The following RBFOX1 variants were observed in gnomAD, a reference collection of about 807,000 sequenced individuals.
RBFOX1 encodes the protein RNA binding fox-1 homolog 1, also known as RNA binding protein fox-1 homolog 1.
A neutral mutation model predicts 57.7 loss-of-function variants in RBFOX1; 8 were observed. The ratio of observed to expected loss-of-function variants is 0.14; its 90% CI spans 0.08 to 0.25. The LOEUF is 0.25. RBFOX1 is among the 10% of genes least tolerant of loss of function. RBFOX1 has a pLI of 1.00. For synonymous variants in RBFOX1, 326 were observed against 222.4 expected (o/e 1.47, Z -4.15); for missense variants, 611 against 548.5 (o/e 1.11, Z -1.14).
intron 2 of RBFOX1, among the ~76,000 whole-genome samples, chr16:6,646,851 G>A (rs1441677828): frequency 3.9e-5 from 6 of 152,034 alleles, no homozygotes; most frequent in Non-Finnish European, 7.4e-5. Context: ...CTCAGTGTCC[G>A]AAGTCAAGCA....
chr16:7,578,774 T>G (rs1199675244), intron 5 of RBFOX1, among the ~76,000 whole-genome samples: 1 of 23,724 alleles, frequency 4.2e-5, no homozygotes. Context: ...TAGTTGCTAA[T>G]TGCAGAGAAG....
chr16:6,919,901 G>A lies in RBFOX1; in HGVS notation c.-15-132156G>A, dbSNP rs140041177. On this transcript the variant is annotated intron_variant, in intron 3 of 15. Transcript: ENST00000550418. Reference sequence around the variant, plus strand: ...ACCCATCACCTGAGCAGTGTACACTGTACCCAGTGTGTCATCTTTTATCCT... The same window carrying A: ...ACCCATCACCTGAGCAGTGTACACTATACCCAGTGTGTCATCTTTTATCCT... Among the ~76,000 whole-genome samples, 22 of 151,016 alleles carry A rather than the reference G, an allele frequency of 1.5e-4. No homozygotes were observed. In the East Asian group the frequency reaches 4.1e-3, roughly 28 times the overall value.
intron 1 of RBFOX1, among the ~76,000 whole-genome samples, chr16:5,400,258 A>T (rs566646398): frequency 2.0e-5 from 3 of 150,680 alleles, no homozygotes; most frequent in Non-Finnish European, 4.4e-5. Context: ...CACCCGGCTG[A>T]TTTTTGTATT....
chr16:6,743,603 C>T (rs908749601), intron 3 of RBFOX1, among the ~76,000 whole-genome samples: 3 of 151,422 alleles, frequency 2.0e-5, no homozygotes, highest in Non-Finnish European at 4.4e-5. Flanking sequence ...TTGAAGTGAG[C>T]ATGGTGGTGC....
chr16:5,445,738 T>C (rs1321631685), intron 1 of RBFOX1, among the ~76,000 whole-genome samples: 1 of 152,256 alleles, frequency 6.6e-6, no homozygotes, highest in East Asian at 1.9e-4. Flanking sequence ...TTTATTCATT[T>C]AACTCAGCTA....
intron 5 of RBFOX1, among the ~76,000 whole-genome samples, chr16:7,553,721 G>C (rs1407710379): frequency 6.6e-6 from 1 of 152,166 alleles, no homozygotes; most frequent in Non-Finnish European, 1.5e-5. Flanking sequence ...GTTTACTGTA[G>C]GTTAGAGTTA....
At chr16:5,370,217 A>G (rs1331634196) in intron 1 of RBFOX1, among the ~76,000 whole-genome samples, 1 of 152,174 alleles carries the variant, frequency 6.6e-6, no homozygotes, top group African/African-American at 2.4e-5. Flanking sequence ...ATTTCTGCAG[A>G]ACCCAATGGT....
At chr16:6,889,319 C>G (rs967783433) in intron 3 of RBFOX1, among the ~76,000 whole-genome samples, 1 of 152,154 alleles carries the variant, frequency 6.6e-6, no homozygotes, top group African/African-American at 2.4e-5. Flanking sequence ...ATGTCACTTT[C>G]AAGTGGAAAA....
intron 4 of RBFOX1, among the ~76,000 whole-genome samples, chr16:7,068,495 A>G (rs1313569990): frequency 6.6e-6 from 1 of 152,156 alleles, no homozygotes; most frequent in Non-Finnish European, 1.5e-5. Context: ...ACTGGCATTC[A>G]TTGCTTCACC....
chr16:6,976,605 G>A (rs1053979670), intron 3 of RBFOX1, among the ~76,000 whole-genome samples: 40 of 151,376 alleles, frequency 2.6e-4, no homozygotes, highest in African/African-American at 5.1e-4. Context: ...AGAGTAGGGC[G>A]TTCCCGAAAG....
intron 1 of RBFOX1, among the ~76,000 whole-genome samples, chr16:6,176,227 C>T (rs1038152084): frequency 2.6e-5 from 4 of 151,934 alleles, no homozygotes; most frequent in Non-Finnish European, 5.9e-5. Flanking sequence ...TCACTTGCAA[C>T]CTCGGCCTCC....
chr16:7,628,776 C>T (rs1232818397), intron 10 of RBFOX1, among the ~76,000 whole-genome samples: 1 of 152,050 alleles, frequency 6.6e-6, no homozygotes, highest in Non-Finnish European at 1.5e-5. Flanking sequence ...CCACACCCAG[C>T]TAATTTTTGT....
chr16:6,820,164 C>T (rs1399536337), intron 3 of RBFOX1, among the ~76,000 whole-genome samples: 1 of 152,174 alleles, frequency 6.6e-6, no homozygotes, highest in African/African-American at 2.4e-5. Context: ...CCATATAAGA[C>T]ATACCTTTGC....
chr16:6,561,980 T>C (rs960735553), intron 2 of RBFOX1, among the ~76,000 whole-genome samples: 2 of 152,190 alleles, frequency 1.3e-5, no homozygotes, highest in Non-Finnish European at 2.9e-5. Context: ...AGATCTGTTA[T>C]ACAGGAACAA....
chr16:7,593,746 C>A lies in RBFOX1; in HGVS notation c.469-1803C>A, dbSNP rs1230753169. Among the ~76,000 whole-genome samples, 4 of 152,058 alleles carry A rather than the reference C, an allele frequency of 2.6e-5. No homozygotes were observed. In the East Asian group the frequency reaches 7.8e-4, roughly 30 times the overall value. ...TAGAGGGCTGATTTTCTTCTATACTCACATTCCACGGGGTGACTGTGGGAC... is the reference window on the plus strand; with the variant it reads ...TAGAGGGCTGATTTTCTTCTATACTAACATTCCACGGGGTGACTGTGGGAC... On this transcript the variant is annotated intron_variant, in intron 7 of 15. Transcript: ENST00000550418.
intron 3 of RBFOX1, among the ~76,000 whole-genome samples, chr16:6,815,527 C>T (rs1482723000): frequency 3.9e-5 from 6 of 152,094 alleles, no homozygotes; most frequent in Non-Finnish European, 8.8e-5. Flanking sequence ...CTCCAGCATC[C>T]CCTACGCCAG....
At chr16:6,064,616 C>G (rs2152467876) in intron 1 of RBFOX1, among the ~76,000 whole-genome samples, 1 of 152,208 alleles carries the variant, frequency 6.6e-6, no homozygotes, top group Middle Eastern at 3.4e-3. Flanking sequence ...TCTCGGCTCA[C>G]TGCAACCTCC....
chr16:6,559,848 A>G (rs1848335971), intron 2 of RBFOX1, among the ~76,000 whole-genome samples: 1 of 152,158 alleles, frequency 6.6e-6, no homozygotes, highest in African/African-American at 2.4e-5. Flanking sequence ...AAGCTCCCTT[A>G]TCTGCCTAAA....
chr16:6,635,059 T>C (rs1205996412), intron 2 of RBFOX1, among the ~76,000 whole-genome samples: 1 of 125,806 alleles, frequency 7.9e-6, no homozygotes, highest in Non-Finnish European at 1.6e-5. Flanking sequence ...ATAGTTTAAA[T>C]ATATGTTATA....
Sources: gnomAD v4.1 joint callset for allele counts (sites outside exome capture counted in the v4.1 genomes callset) on GRCh38, gnomAD v4.1.1 for gene constraint, MANE v1.5 for transcripts, NCBI Gene and HGNC (gene_info 2026-07-23, HGNC 2026-07-21) for gene names.